ABCB1: variants seen among roughly 807,000 people sequenced by gnomAD.
ABCB1 encodes the protein ATP-dependent translocase ABCB1.
A neutral mutation model predicts 142.0 loss-of-function variants in ABCB1; 69 were observed. The ratio of observed to expected loss-of-function variants is 0.49; its 90% CI spans 0.40 to 0.59. The LOEUF (loss-of-function observed/expected upper bound fraction) is 0.59. Among genes scored for constraint, ABCB1 ranks in the 20% least tolerant of loss-of-function variants. The pLI is 0.00. For missense variants in ABCB1, 1,326 were observed against 1,554.7 expected (o/e 0.85, Z 2.47); for synonymous variants, 532 against 539.2 (o/e 0.99, Z 0.18).
chr7:87,615,997 A>C (rs989334358), intron 1 of ABCB1, among the ~76,000 whole-genome samples: 14 of 152,234 alleles, frequency 9.2e-5, no homozygotes, highest in African/African-American at 3.4e-4. Flanking sequence ...GCTAATACTT[A>C]AGTTCATAGT....
At chr7:87,544,023 C>G (rs1816658856) in intron 17 of ABCB1, 106 bp downstream of exon 17, 2 of 1,348,096 alleles carry the variant, frequency 1.5e-6, no homozygotes, top group Non-Finnish European at 1.1e-6. Flanking sequence ...TATGGAGATA[C>G]GTGGATTTTG....
intron 4 of ABCB1, among the ~76,000 whole-genome samples, chr7:87,573,798 G>A (rs1274283320): frequency 6.6e-6 from 1 of 152,060 alleles, no homozygotes; most frequent in Non-Finnish European, 1.5e-5. Flanking sequence ...CATTTCAGTA[G>A]CTAGAGCACT....
upstream of ABCB1, chr7:87,601,077 C>G (rs201736463): frequency 6.6e-6 from 1 of 152,196 alleles, no homozygotes; most frequent in Non-Finnish European, 1.5e-5. Flanking sequence ...CGTTGCACCT[C>G]TCTAGAAAGG....
intron 8 of ABCB1, among the ~76,000 whole-genome samples, chr7:87,555,434 T>G (rs568890578): frequency 6.6e-6 from 1 of 152,342 alleles, no homozygotes; most frequent in African/African-American, 2.4e-5. Flanking sequence ...GGAGAACTTG[T>G]TCCATTAGCA....
chr7:87,504,471 T>A (rs765898153), intron 27 of ABCB1, 22 bp from the exon 28 acceptor site: 2 of 1,613,672 alleles, frequency 1.2e-6, no homozygotes, highest in Non-Finnish European at 1.7e-6. Flanking sequence ...TCACATAGAT[T>A]AATTCTCATA....
chr7:87,694,394 C>A (rs1052999039), intron 1 of ABCB1, among the ~76,000 whole-genome samples: 6 of 152,032 alleles, frequency 3.9e-5, no homozygotes, highest in Admixed American at 1.3e-4. Context: ...TTATTCAAAC[C>A]TTTTCTTTAA....
Position 87,712,006 on chromosome 7 carries a change from G to A in ABCB1, c.-331+1155C>T, listed in dbSNP as rs148632184. 5.6e-3 allele frequency among the ~76,000 whole-genome samples: 855 copies of A among 152,228 alleles called. 5 individuals carry two copies. The highest frequency in any genetic ancestry group is 9.2e-3 in the Non-Finnish European group (626 of 68,000). ...CAGGGTTTGACATTCTGGATTTTGAGAAAATCTGGGCATTTATTATGACAC... is the reference window on the plus strand; with the variant it reads ...CAGGGTTTGACATTCTGGATTTTGAAAAAATCTGGGCATTTATTATGACAC... On this transcript the variant is annotated intron_variant, in intron 1 of 28. Transcript: ENST00000265724.
At position 87,600,108 on chromosome 7, in the gene ABCB1, G is replaced by T; in HGVS notation, c.68+9C>A. The T allele has an allele frequency of 6.2e-7, 1 of 1,610,530 alleles. No homozygotes were observed. The highest frequency in any genetic ancestry group is 8.5e-7 in the Non-Finnish European group (1 of 1,176,988). ...TATGTAAACTATGAAAATGAAACAA[G>T]CTAGTTACCTTTTATTGTTCAGTTT... On this transcript the variant is annotated intron_variant, in intron 2 of 27. Coordinates refer to ENST00000622132, the MANE Select transcript of ABCB1 (RefSeq NM_001348946.2).
intron 1 of ABCB1, among the ~76,000 whole-genome samples, chr7:87,644,306 G>A (rs1401007862): frequency 6.6e-6 from 1 of 152,170 alleles, no homozygotes; most frequent in East Asian, 1.9e-4. Flanking sequence ...TGTGGATTGT[G>A]TCATGTCTCT....
intron 1 of ABCB1, among the ~76,000 whole-genome samples, chr7:87,664,059 C>T (rs1824985542): frequency 6.6e-6 from 1 of 152,130 alleles, no homozygotes; most frequent in Non-Finnish European, 1.5e-5. Context: ...TTTCATACAG[C>T]ATTTATCAAT....
intron 25 of ABCB1, among the ~76,000 whole-genome samples, chr7:87,514,919 C>T (rs867206375): frequency 7.9e-5 from 12 of 152,218 alleles, no homozygotes; most frequent in African/African-American, 2.7e-4. Context: ...AGCACCTGTC[C>T]TGTATCTTTC....
chr7:87,549,781 A>T, intron 13 of ABCB1, 70 bp downstream of exon 13: 1 of 1,538,288 alleles, frequency 6.5e-7, no homozygotes, highest in South Asian at 1.1e-5. Context: ...TAGTTTCCTA[A>T]CTTCCTGCAT....
At chr7:87,511,288 C>G (rs1279861328) in intron 25 of ABCB1, among the ~76,000 whole-genome samples, 9 of 152,088 alleles carry the variant, frequency 5.9e-5, no homozygotes, top group Non-Finnish European at 1.2e-4. Context: ...CCAAGGAACT[C>G]TGGGGAATCT....
At chr7:87,629,715 C>G (rs1297869109) in intron 1 of ABCB1, among the ~76,000 whole-genome samples, 1 of 151,714 alleles carries the variant, frequency 6.6e-6, no homozygotes, top group African/African-American at 2.4e-5. Flanking sequence ...ATCACGAGGT[C>G]GGAGTTCGAG....
chr7:87,522,620 CT>C (rs1285202470), intron 21 of ABCB1, among the ~76,000 whole-genome samples: 1 of 152,026 alleles, frequency 6.6e-6, no homozygotes, highest in African/African-American at 2.4e-5. Flanking sequence ...GTAACAGATT[CT>C]TTTAGTTTCT....
chr7:87,544,412 TA>T, intron 16 of ABCB1, 137 bp from the exon 17 acceptor site: 3 of 931,810 alleles, frequency 3.2e-6, no homozygotes, highest in South Asian at 3.3e-5. Context: ...AATTTTGCTT[TA>T]AAAAATGTCA....
At chr7:87,636,083 C>T (rs1649258912) in intron 1 of ABCB1, among the ~76,000 whole-genome samples, 2 of 152,058 alleles carry the variant, frequency 1.3e-5, no homozygotes, top group African/African-American at 4.8e-5. Flanking sequence ...GTACATTTTT[C>T]TGTCTGATAT....
chr7:87,598,175 C>A (rs996393354), intron 2 of ABCB1, among the ~76,000 whole-genome samples: 20 of 152,244 alleles, frequency 1.3e-4, no homozygotes, highest in African/African-American at 4.8e-4. Flanking sequence ...ATCTTTTGGA[C>A]ATATTGAGTT....
intron 1 of ABCB1, among the ~76,000 whole-genome samples, chr7:87,623,822 A>G (rs1209321507): frequency 6.6e-6 from 1 of 152,106 alleles, no homozygotes; most frequent in Non-Finnish European, 1.5e-5. Flanking sequence ...AAATATGCTC[A>G]AGTCACTTCT....
Sources: gnomAD v4.1 joint callset for allele counts (sites outside exome capture counted in the v4.1 genomes callset) on GRCh38, gnomAD v4.1.1 for gene constraint, MANE v1.5 for transcripts, NCBI Gene and HGNC (gene_info 2026-07-23, HGNC 2026-07-21) for gene names.